The following KRIT1 variants were observed in gnomAD, a reference collection of about 807,000 sequenced individuals.
KRIT1 encodes the protein krev interaction trapped protein 1.
KRIT1 carries 45 observed loss-of-function variants against 95.8 expected under a neutral mutation model. The observed-to-expected ratio is 0.47, with a 90% CI of 0.37 to 0.60. The LOEUF (loss-of-function observed/expected upper bound fraction) is 0.60, where lower values mean the gene tolerates loss of function less well. Ranked by LOEUF, KRIT1 falls within the 20% of genes least tolerant of loss-of-function variation. KRIT1 has a pLI of 0.00. For synonymous variants in KRIT1, 282 were observed against 278.8 expected, an observed-to-expected ratio of 1.01 and a Z score of -0.11; for missense variants, 788 against 877.5, an observed-to-expected ratio of 0.90 and a Z score of 1.29.
At chr7:92,227,133 G>A (rs1357696740) in intron 10 of KRIT1, among the ~76,000 whole-genome samples, 1 of 152,214 alleles carries the variant, frequency 6.6e-6, no homozygotes, top group African/African-American at 2.4e-5. Context: ...ATTAGACAAT[G>A]TGAAAGAGAC....
At chr7:92,201,647 C>A in intron 17 of KRIT1, 1 of 469,494 alleles carries the variant, frequency 2.1e-6, no homozygotes, top group Non-Finnish European at 3.9e-6. Flanking sequence ...CAACCCGTCA[C>A]CTACATTAGA....
chr7:92,234,782 A>G, intron 9 of KRIT1, 26 bp downstream of exon 9: 1 of 1,301,532 alleles, frequency 7.7e-7, no homozygotes, highest in Non-Finnish European at 1.1e-6. Flanking sequence ...TTATAAAAGC[A>G]ATGTGGAGTA....
intron 17 of KRIT1, among the ~76,000 whole-genome samples, chr7:92,207,844 C>T (rs1382660138): frequency 1.3e-5 from 2 of 152,100 alleles, no homozygotes; most frequent in Admixed American, 1.3e-4. Context: ...GGCGACAGAG[C>T]AGGACTCTGT....
chr7:92,223,779 G>A (rs1795655973), intron 12 of KRIT1, among the ~76,000 whole-genome samples: 1 of 152,162 alleles, frequency 6.6e-6, no homozygotes, highest in Non-Finnish European at 1.5e-5. Flanking sequence ...TGAACTTTGA[G>A]CCAGTTTCCT....
chr7:92,200,469 T>C lies in KRIT1; in HGVS notation c.*267A>G. The C allele has an allele frequency of 4.8e-6, 2 of 415,302 alleles. No homozygotes were observed. Among genetic ancestry groups the C allele is most frequent in the East Asian group, 5.2e-5 (1 of 19,108 alleles). 25.7% of individuals were successfully genotyped at this position (415,302 alleles called of 1,614,324 possible). ...TCCTGGGTTTAAGCGATCTCCCACC[T>C]TGGCCTCCCTAGTAGCTAGGATTAT... On this transcript the variant is annotated 3_prime_UTR_variant, in exon 19 of 19. Transcript: ENST00000394505.
chr7:92,222,025 G>C lies in KRIT1; in HGVS notation c.1440C>G (p.Pro480=), dbSNP rs1321821110. Residue 480 remains proline, a synonymous_variant, in exon 14 of 19, where the codon CCC becomes CCG. Transcript: ENST00000394505. ...LSLQLKPYHK[P]LQHVRDWPEI... ...CTGGCCAGTCACGAACATGTTGCAA[G>C]GGTTTATGATATGGTTTGAGTTGAA... 1 of 1,613,682 alleles carries C rather than the reference G, an allele frequency of 6.2e-7. No homozygotes were observed. The highest frequency in any genetic ancestry group is 8.5e-7 in the Non-Finnish European group (1 of 1,179,680).
intron 12 of KRIT1, 147 bp downstream of exon 12, chr7:92,225,573 G>C (rs1212023173): frequency 6.2e-6 from 4 of 644,956 alleles, no homozygotes; most frequent in Non-Finnish European, 1.1e-5. Context: ...GATTACAGGT[G>C]TGAGCCACCA....
intron 12 of KRIT1, among the ~76,000 whole-genome samples, chr7:92,224,251 T>C (rs1795755709): frequency 1.3e-5 from 2 of 152,340 alleles, no homozygotes; most frequent in South Asian, 4.1e-4. Context: ...TCTGTTAGTA[T>C]AAACCCTTTA....
chr7:92,217,907 T>C (rs982110375), intron 14 of KRIT1, among the ~76,000 whole-genome samples: 1 of 152,208 alleles, frequency 6.6e-6, no homozygotes, highest in Admixed American at 6.5e-5. Flanking sequence ...TATACATTTT[T>C]ACCAGCTCAT....
intron 17 of KRIT1, among the ~76,000 whole-genome samples, chr7:92,203,268 T>C (rs1416809903): frequency 6.6e-6 from 1 of 152,232 alleles, no homozygotes; most frequent in Non-Finnish European, 1.5e-5. Flanking sequence ...GCTTGTTGAA[T>C]GCAATCCTAG....
upstream of KRIT1, chr7:92,246,095 C>G: frequency 3.6e-6 from 1 of 281,336 alleles, no homozygotes; most frequent in South Asian, 2.8e-5. Flanking sequence ...GCGGCTGAGC[C>G]GGAGCCGGAG....
chr7:92,235,582 C>G lies in KRIT1; in HGVS notation c.550G>C (p.Glu184Gln). 2 of 1,613,732 alleles carry G rather than the reference C, an allele frequency of 1.2e-6. No homozygotes were observed. The highest frequency in any genetic ancestry group is 1.1e-5 in the South Asian group (1 of 91,046). ...IPALFRPSPLERIKTNVINPA... is the reference protein window; with the variant it reads ...IPALFRPSPLQRIKTNVINPA... The stretch of plus-strand genomic sequence containing the variant: ...TTTATGACATTAGTTTTTATCCGCT[C>G]AAGAGGAGAAGGTCGGAATAAAGCT... The change falls in exon 8 of 19, where the codon GAG (glutamate) becomes CAG (glutamine). Residue 184 changes from glutamate (E) to glutamine (Q), a missense_variant. Around this residue, in one of 3 missense-constraint regions of KRIT1, gnomAD observed 289 missense variants for 277.5 expected, o/e 1.04. Transcript: ENST00000394505.
chr7:92,205,372 AT>A, intron 17 of KRIT1, among the ~76,000 whole-genome samples: 1 of 152,194 alleles, frequency 6.6e-6, no homozygotes, highest in East Asian at 1.9e-4. Flanking sequence ...AAAAAGACAC[AT>A]AAAAATGAGG....
chr7:92,211,406 A>G (rs1792796781), intron 17 of KRIT1, among the ~76,000 whole-genome samples: 1 of 152,214 alleles, frequency 6.6e-6, no homozygotes, highest in South Asian at 2.1e-4. Flanking sequence ...TTGTTAAGTG[A>G]AATTAGCCAG....
At chr7:92,241,428 C>T (rs888975583) in intron 4 of KRIT1, among the ~76,000 whole-genome samples, 1 of 152,070 alleles carries the variant, frequency 6.6e-6, no homozygotes, top group Non-Finnish European at 1.5e-5. Flanking sequence ...CCCTACAGTA[C>T]CCTTTAACAG....
At chr7:92,232,784 C>T (rs963084408) in intron 10 of KRIT1, among the ~76,000 whole-genome samples, 3 of 152,130 alleles carry the variant, frequency 2.0e-5, no homozygotes, top group African/African-American at 7.2e-5. Context: ...AGCTCCGCCT[C>T]GCGGGTTCAC....
At chr7:92,225,454 C>A (rs1796019993) in intron 12 of KRIT1, among the ~76,000 whole-genome samples, 1 of 152,030 alleles carries the variant, frequency 6.6e-6, no homozygotes, top group African/African-American at 2.4e-5. Flanking sequence ...ACTACAGGTG[C>A]ACGCCACCAT....
In KRIT1 at chr7:92,236,189, T is replaced by C. The variant is rs1331679051; in HGVS notation, c.485+224A>G. ...AATCTTAATTCTTAAGCCAGGGCAG[T>C]GTTTACCATTTCTGAAAAATAAAAT... On this transcript the variant is annotated intron_variant, in intron 7 of 18. Transcript: ENST00000394505. 6.9e-6 allele frequency: 3 copies of C among 435,740 alleles called. 1 individual carries two copies. In the East Asian group the frequency reaches 1.3e-4, roughly 19 times the overall value. The allele number at this position is 435,740 out of a possible 1,614,324, so 27.0% of individuals were successfully genotyped here. A position where few individuals can be genotyped will look rare whatever the true frequency, so the allele number is the denominator to read the frequency against.
At chr7:92,214,357 AC>A (rs1793505969) in intron 15 of KRIT1, among the ~76,000 whole-genome samples, 1 of 152,116 alleles carries the variant, frequency 6.6e-6, no homozygotes, top group South Asian at 2.1e-4. Context: ...GTTTTAGTGA[AC>A]TTATTTAAGC....
Sources: allele counts gnomAD v4.1 joint callset (sites outside exome capture counted in the v4.1 genomes callset), GRCh38; gene constraint gnomAD v4.1.1; regional missense constraint gnomAD v4.1.1; transcripts MANE v1.5; gene names NCBI Gene and HGNC (gene_info 2026-07-23, HGNC 2026-07-21).